Variants in C8orf34 observed in about 807,000 individuals in gnomAD.
C8orf34 encodes uncharacterized protein C8orf34.
Under a neutral mutation model 68.3 loss-of-function variants are expected in C8orf34, and 65 were observed. The ratio of observed to expected loss-of-function variants is 0.95; its 90% CI spans 0.78 to 1.17. The LOEUF (loss-of-function observed/expected upper bound fraction) is 1.17. Ranked by LOEUF, C8orf34 falls within the 50% of genes most tolerant of loss-of-function variation. C8orf34 has a pLI of 0.00. For missense variants in C8orf34, 664 were observed against 655.4 expected, an observed-to-expected ratio of 1.01 and a Z score of -0.14; for synonymous variants, 244 against 241.2, an observed-to-expected ratio of 1.01 and a Z score of -0.11.
chr8:68,754,304 T>G (rs554520760), intron 10 of C8orf34, among the ~76,000 whole-genome samples: 2 of 152,244 alleles, frequency 1.3e-5, no homozygotes, highest in Admixed American at 6.5e-5. Flanking sequence ...TTTACATTTC[T>G]TCTAAAGCTA....
At chr8:68,715,656 A>C (rs971464616) in intron 9 of C8orf34, among the ~76,000 whole-genome samples, 1 of 98,044 alleles carries the variant, frequency 1.0e-5, no homozygotes, top group Non-Finnish European at 2.3e-5. Flanking sequence ...TATAAAAAAT[A>C]AAAAAAAAAA....
chr8:68,466,738 C>CATAT (rs35661495), intron 3 of C8orf34, among the ~76,000 whole-genome samples: 5,594 of 120,306 alleles, frequency 0.046, 294 homozygotes, highest in Non-Finnish European at 0.057. Flanking sequence ...CAACGTTGTA[C>CATAT]ATATATATAT....
At chr8:68,810,835 C>A (rs1331246271) in intron 12 of C8orf34, among the ~76,000 whole-genome samples, 2 of 152,170 alleles carry the variant, frequency 1.3e-5, no homozygotes, top group African/African-American at 4.8e-5. Flanking sequence ...CCAAGTCTGG[C>A]TGAATCCAGG....
At chr8:68,425,066 T>C (rs1011015428) in intron 1 of C8orf34, among the ~76,000 whole-genome samples, 8 of 152,110 alleles carry the variant, frequency 5.3e-5, no homozygotes, top group African/African-American at 1.4e-4. Flanking sequence ...AATAAAATCA[T>C]TGGACAGTAC....
chr8:68,749,711 G>C (rs1822643747), intron 10 of C8orf34, among the ~76,000 whole-genome samples: 1 of 152,220 alleles, frequency 6.6e-6, no homozygotes, highest in Admixed American at 6.5e-5. Context: ...TGTTATTTTA[G>C]GTCTGGCCTC....
intron 7 of C8orf34, among the ~76,000 whole-genome samples, chr8:68,594,885 G>A (rs372550308): frequency 1.3e-5 from 2 of 151,788 alleles, no homozygotes; most frequent in East Asian, 3.9e-4. Flanking sequence ...ACCTTTAATA[G>A]GATAGATCAA....
intron 6 of C8orf34, chr8:68,526,019 T>C: frequency 5.1e-6 from 1 of 195,962 alleles, no homozygotes; most frequent in Non-Finnish European, 9.8e-6. Context: ...AGTGCAGTGG[T>C]GTTATCTTGG....
chr8:68,425,144 A>T (rs1810153954), intron 1 of C8orf34, among the ~76,000 whole-genome samples: 1 of 152,158 alleles, frequency 6.6e-6, no homozygotes, highest in African/African-American at 2.4e-5. Flanking sequence ...TAACCTCATA[A>T]ATGCATCTAC....
intron 1 of C8orf34, among the ~76,000 whole-genome samples, chr8:68,332,765 A>C (rs1480467976): frequency 6.6e-6 from 1 of 152,166 alleles, no homozygotes; most frequent in African/African-American, 2.4e-5. Flanking sequence ...TGAAGCTCGC[A>C]TTGTGGGGTG....
At chr8:68,387,447 T>A (rs184721743) in intron 1 of C8orf34, among the ~76,000 whole-genome samples, 16 of 152,240 alleles carry the variant, frequency 1.1e-4, no homozygotes, top group Admixed American at 8.5e-4. Context: ...TATAATTGAA[T>A]AGTTATAGAG....
chr8:68,499,322 A>G (rs1166356522), intron 5 of C8orf34, among the ~76,000 whole-genome samples: 2 of 152,210 alleles, frequency 1.3e-5, no homozygotes, highest in Non-Finnish European at 2.9e-5. Flanking sequence ...GATACATTCA[A>G]ATAATGATGG....
Position 68,336,863 on chromosome 8 carries a change from G to C in C8orf34, c.327+5524G>C, listed in dbSNP as rs1585937270. ...GTAGGTATGTATCAAAGGACACAGA[G>C]GATGTGCCTACCCCTAAGACAACTT... On this transcript the variant is annotated intron_variant, in intron 1 of 13. Transcript: ENST00000518698. Among the ~76,000 whole-genome samples the C allele has an allele frequency of 2.0e-5, 3 of 152,170 alleles. No homozygotes were observed. The South Asian group carries it at 6.2e-4, about 32-fold the overall frequency.
At chr8:68,620,265 C>T (rs2130627854) in intron 7 of C8orf34, among the ~76,000 whole-genome samples, 1 of 152,274 alleles carries the variant, frequency 6.6e-6, no homozygotes, top group Non-Finnish European at 1.5e-5. Flanking sequence ...ATGGGACTGA[C>T]TTAATGAGGC....
At chr8:68,487,174 A>G (rs994913811) in intron 4 of C8orf34, among the ~76,000 whole-genome samples, 24 of 152,194 alleles carry the variant, frequency 1.6e-4, no homozygotes, top group Non-Finnish European at 2.8e-4. Context: ...TATCAAAGGT[A>G]TGGGGTAGAT....
chr8:68,803,379 C>G (rs962793143), intron 12 of C8orf34, among the ~76,000 whole-genome samples: 1 of 151,928 alleles, frequency 6.6e-6, no homozygotes, highest in Non-Finnish European at 1.5e-5. Context: ...ATTAGCCACA[C>G]TAGCATAATA....
intron 7 of C8orf34, among the ~76,000 whole-genome samples, chr8:68,614,091 T>A (rs931096954): frequency 2.6e-5 from 4 of 152,248 alleles, no homozygotes; most frequent in Non-Finnish European, 4.4e-5. Flanking sequence ...ATTCTTCTTT[T>A]GAGAAGTGTC....
chr8:68,813,491 T>C (rs1824718056), intron 12 of C8orf34, among the ~76,000 whole-genome samples: 1 of 152,182 alleles, frequency 6.6e-6, no homozygotes, highest in Non-Finnish European at 1.5e-5. Flanking sequence ...CACCATGCTC[T>C]ATGGGACTGG....
At chr8:68,765,163 G>A (rs569160267) in intron 10 of C8orf34, among the ~76,000 whole-genome samples, 1 of 152,242 alleles carries the variant, frequency 6.6e-6, no homozygotes, top group Admixed American at 6.5e-5. Context: ...TTGCTTTATA[G>A]ACAGTATTTC....
At chr8:68,395,096 C>G (rs1235347060) in intron 1 of C8orf34, among the ~76,000 whole-genome samples, 1 of 151,826 alleles carries the variant, frequency 6.6e-6, no homozygotes, top group African/African-American at 2.4e-5. Flanking sequence ...CAGAACATTC[C>G]TAAATGTCAA....
Sources: allele counts gnomAD v4.1 joint callset (sites outside exome capture counted in the v4.1 genomes callset), GRCh38; gene constraint gnomAD v4.1.1; transcripts MANE v1.5; gene names NCBI Gene and HGNC (gene_info 2026-07-23, HGNC 2026-07-21).